Variants in ATP8A1 observed in about 807,000 individuals in gnomAD.
ATP8A1 encodes the protein ATPase phospholipid transporting 8A1, also known as phospholipid-transporting ATPase IA.
ATP8A1 carries 90 observed loss-of-function variants against 177.7 expected under a neutral mutation model. That is an observed-to-expected ratio of 0.51 (90% CI 0.43 to 0.60). The LOEUF is 0.60. Ranked by LOEUF, ATP8A1 falls within the 20% of genes least tolerant of loss-of-function variation. ATP8A1 has a pLI of 0.00. For missense variants in ATP8A1, 1,072 were observed against 1,392.8 expected, an observed-to-expected ratio of 0.77 and a Z score of 3.67; for synonymous variants, 493 against 485.9, an observed-to-expected ratio of 1.01 and a Z score of -0.19.
At chr4:42,648,435 T>C (rs958974357) in intron 1 of ATP8A1, among the ~76,000 whole-genome samples, 1 of 152,016 alleles carries the variant, frequency 6.6e-6, no homozygotes, top group Non-Finnish European at 1.5e-5. Context: ...CGGAAGCACC[T>C]CAAATCAGTG....
rs984672071 is a variant in ATP8A1, at chr4:42,581,553, C to T, written c.834+68G>A. 5 of 1,147,548 alleles carry T rather than the reference C, an allele frequency of 4.4e-6. No individual in the cohort carries two copies. The African/African-American group carries it at 7.6e-5, about 17-fold the overall frequency. The allele number at this position is 1,147,548 out of a possible 1,614,324, so 71.1% of individuals were successfully genotyped here. ...GTCTCCTATGTTTGGGACCACTGCA[C>T]TGAGATCTGTAAATCATACACTCAC... On this transcript the variant is annotated intron_variant, in intron 10 of 36. Coordinates refer to ENST00000381668, the MANE Select transcript of ATP8A1 (RefSeq NM_006095.2).
intron 16 of ATP8A1, among the ~76,000 whole-genome samples, chr4:42,555,441 G>A: frequency 1.3e-5 from 2 of 152,112 alleles, no homozygotes; most frequent in South Asian, 4.2e-4. Flanking sequence ...GAATATTGAT[G>A]AATGATAATA....
At chr4:42,543,824 T>A in intron 20 of ATP8A1, 93 bp downstream of exon 20, 2 of 883,088 alleles carry the variant, frequency 2.3e-6, no homozygotes, top group South Asian at 3.8e-5. Flanking sequence ...AACTTCATGT[T>A]AAACATCTGT....
chr4:42,569,854 T>C (rs1294925283), intron 14 of ATP8A1, among the ~76,000 whole-genome samples: 1 of 152,230 alleles, frequency 6.6e-6, no homozygotes, highest in African/African-American at 2.4e-5. Context: ...CATTCGCTCA[T>C]CTGAACACTA....
intron 1 of ATP8A1, among the ~76,000 whole-genome samples, chr4:42,636,157 C>CGCGCGT (rs1491432616): frequency 1.3e-4 from 2 of 15,080 alleles, no homozygotes; most frequent in South Asian, 1.8e-3. Context: ...CACACACACA[C>CGCGCGT]GCACACACAC....
intron 22 of ATP8A1, 118 bp downstream of exon 22, chr4:42,522,042 T>G: frequency 8.7e-7 from 1 of 1,142,940 alleles, no homozygotes; most frequent in Non-Finnish European, 1.2e-6. Context: ...TGAGAGGGTA[T>G]TCAATAGTGA....
intron 15 of ATP8A1, among the ~76,000 whole-genome samples, chr4:42,557,790 C>G (rs1227998542): frequency 6.6e-6 from 1 of 152,156 alleles, no homozygotes; most frequent in African/African-American, 2.4e-5. Context: ...TGTCTGTAAT[C>G]CCAGCACTTT....
chr4:42,460,658 A>G (rs1019989593), intron 27 of ATP8A1, among the ~76,000 whole-genome samples: 7 of 152,194 alleles, frequency 4.6e-5, no homozygotes, highest in Admixed American at 1.3e-4. Flanking sequence ...AAGTGCTGGG[A>G]TTACAGGCGT....
chr4:42,634,274 A>G (rs1428517911), intron 1 of ATP8A1, among the ~76,000 whole-genome samples: 1 of 152,176 alleles, frequency 6.6e-6, no homozygotes, highest in Non-Finnish European at 1.5e-5. Flanking sequence ...TCCACGCAAA[A>G]GCCCAAGACA....
chr4:42,607,818 T>A (rs1212125269), intron 5 of ATP8A1, among the ~76,000 whole-genome samples: 1 of 149,850 alleles, frequency 6.7e-6, no homozygotes, highest in Non-Finnish European at 1.5e-5. Flanking sequence ...AAGATGACAT[T>A]CCTCCAATAT....
At chr4:42,499,399 C>T (rs980827074) in intron 24 of ATP8A1, among the ~76,000 whole-genome samples, 4 of 152,148 alleles carry the variant, frequency 2.6e-5, no homozygotes, top group Admixed American at 6.5e-5. Flanking sequence ...TGTAGCTCTA[C>T]CTCTGGGGAC....
At chr4:42,495,540 C>G (rs1723183595) in intron 24 of ATP8A1, among the ~76,000 whole-genome samples, 1 of 152,060 alleles carries the variant, frequency 6.6e-6, no homozygotes, top group African/African-American at 2.4e-5. Flanking sequence ...CACTAGCTCT[C>G]TTTGACGTGG....
chr4:42,513,896 G>C (rs112216729), intron 22 of ATP8A1, among the ~76,000 whole-genome samples: 2 of 152,100 alleles, frequency 1.3e-5, no homozygotes, highest in Admixed American at 1.3e-4. Context: ...TTTAAAATAC[G>C]TTAACTCTGG....
At chr4:42,614,203 G>A (rs1736675313) in intron 5 of ATP8A1, among the ~76,000 whole-genome samples, 1 of 152,100 alleles carries the variant, frequency 6.6e-6, no homozygotes, top group African/African-American at 2.4e-5. Context: ...TACCCAGAAG[G>A]GTGGAGCACC....
At chr4:42,648,229 G>C (rs1740738066) in intron 1 of ATP8A1, among the ~76,000 whole-genome samples, 1 of 152,034 alleles carries the variant, frequency 6.6e-6, no homozygotes, top group African/African-American at 2.4e-5. Context: ...AACTGTGGGG[G>C]AAAGAAAACC....
intron 33 of ATP8A1, among the ~76,000 whole-genome samples, chr4:42,427,023 G>T (rs993869949): frequency 6.6e-6 from 1 of 152,166 alleles, no homozygotes; most frequent in African/African-American, 2.4e-5. Context: ...TGCAGTAAGA[G>T]AAATGAATAA....
At chr4:42,425,585 A>G (rs1008956579) in intron 33 of ATP8A1, among the ~76,000 whole-genome samples, 5 of 152,112 alleles carry the variant, frequency 3.3e-5, no homozygotes, top group African/African-American at 1.2e-4. Context: ...ATAAAATCCC[A>G]CAGAGGTATT....
chr4:42,496,451 G>A (rs183682707), intron 24 of ATP8A1, among the ~76,000 whole-genome samples: 11 of 152,238 alleles, frequency 7.2e-5, no homozygotes. Flanking sequence ...GAACTGGGTA[G>A]GCAGACATCC....
intron 12 of ATP8A1, 92 bp from the exon 13 acceptor site, chr4:42,575,791 A>C (rs1732384557): frequency 9.7e-7 from 1 of 1,033,938 alleles, no homozygotes; most frequent in African/African-American, 1.6e-5. Context: ...TTCGTACTTC[A>C]ATAAGTCACT....
Sources: gnomAD v4.1 joint callset for allele counts (sites outside exome capture counted in the v4.1 genomes callset) on GRCh38, gnomAD v4.1.1 for gene constraint, MANE v1.5 for transcripts, NCBI Gene and HGNC (gene_info 2026-07-23, HGNC 2026-07-21) for gene names.